TMEM135: variants seen among roughly 807,000 people sequenced by gnomAD.
TMEM135 encodes the protein peroxisomal membrane protein 52.
In TMEM135, 30 loss-of-function variants were observed where a neutral mutation model predicts 60.3. That is an observed-to-expected ratio of 0.50 (90% CI 0.37 to 0.68). The LOEUF (loss-of-function observed/expected upper bound fraction) is 0.68, where lower values mean the gene tolerates loss of function less well. TMEM135 is among the 30% of genes least tolerant of loss of function. TMEM135 has a pLI of 0.00. For missense variants in TMEM135, 468 were observed against 548.8 expected, an observed-to-expected ratio of 0.85 and a Z score of 1.47; for synonymous variants, 190 against 186.7, an observed-to-expected ratio of 1.02 and a Z score of -0.14.
At chr11:87,043,168 T>C (rs2513218) in intron 1 of TMEM135, among the ~76,000 whole-genome samples, 48,503 of 151,146 alleles carry the variant, frequency 0.32, 9,504 homozygotes, top group East Asian at 0.59. Flanking sequence ...TTGGTCAGGT[T>C]GGTTTGGAAC....
chr11:87,047,467 C>A (rs1230120153), intron 1 of TMEM135, among the ~76,000 whole-genome samples: 1 of 151,076 alleles, frequency 6.6e-6, no homozygotes, highest in African/African-American at 2.4e-5. Flanking sequence ...GCGCACCGTG[C>A]GCGAGCCGAA....
chr11:87,156,964 G>T (rs1591062788), intron 4 of TMEM135, among the ~76,000 whole-genome samples: 1 of 152,196 alleles, frequency 6.6e-6, no homozygotes, highest in East Asian at 1.9e-4. Flanking sequence ...GCTCTTAAAA[G>T]ATTGTGATTA....
intron 4 of TMEM135, among the ~76,000 whole-genome samples, chr11:87,141,787 T>A (rs1938269334): frequency 6.6e-6 from 1 of 152,112 alleles, no homozygotes; most frequent in Admixed American, 6.5e-5. Flanking sequence ...ATAGGAAAAA[T>A]TTTAAAAATT....
intron 4 of TMEM135, among the ~76,000 whole-genome samples, chr11:87,119,575 C>T (rs549494286): frequency 1.3e-5 from 2 of 152,314 alleles, no homozygotes; most frequent in African/African-American, 4.8e-5. Context: ...TGGTGATGCA[C>T]GCCTGTAATC....
intron 5 of TMEM135, among the ~76,000 whole-genome samples, chr11:87,224,718 GCAC>G (rs527452419): frequency 6.7e-5 from 10 of 149,194 alleles, no homozygotes; most frequent in Admixed American, 6.0e-4. Flanking sequence ...AGTTCATATA[GCAC>G]CTTTCTTCTC....
At chr11:87,097,416 A>G (rs569160609) in intron 4 of TMEM135, among the ~76,000 whole-genome samples, 5 of 152,316 alleles carry the variant, frequency 3.3e-5, no homozygotes, top group Admixed American at 2.6e-4. Flanking sequence ...ACTCAACTCT[A>G]CTAGCAAGCT....
chr11:87,323,032 T>G lies in TMEM135; in HGVS notation c.*1699T>G, dbSNP rs528031849. 1 of 454,402 alleles carries G rather than the reference T, an allele frequency of 2.2e-6. No homozygotes were observed. Among genetic ancestry groups the G allele is most frequent in the South Asian group, 1.6e-5 (1 of 64,428 alleles). The allele number at this position is 454,402 out of a possible 1,614,324, so 28.1% of individuals were successfully genotyped here. On this transcript the variant is annotated 3_prime_UTR_variant, in exon 15 of 15. Transcript: ENST00000305494. Reference sequence around the variant, plus strand: ...GTACTAAAGCCCTGAGAACTGCACCTCATTTTCTTTATCCAGAAATTGTGC... The same window carrying G: ...GTACTAAAGCCCTGAGAACTGCACCGCATTTTCTTTATCCAGAAATTGTGC...
intron 6 of TMEM135, among the ~76,000 whole-genome samples, chr11:87,252,713 G>A (rs1941441732): frequency 6.6e-6 from 1 of 151,154 alleles, no homozygotes; most frequent in South Asian, 2.1e-4. Context: ...GGAGGCTGTG[G>A]TGAGCCAAGA....
chr11:87,268,832 T>C (rs11235060), intron 6 of TMEM135, among the ~76,000 whole-genome samples: 53,733 of 151,984 alleles, frequency 0.35, 10,057 homozygotes, highest in Non-Finnish European at 0.42. Flanking sequence ...AAGCTGGATT[T>C]CAGCTGTTTG....
At chr11:87,073,762 G>T (rs1856818471) in intron 3 of TMEM135, among the ~76,000 whole-genome samples, 1 of 151,896 alleles carries the variant, frequency 6.6e-6, no homozygotes. Context: ...CTGCCTCCCA[G>T]GTTCAAGCGA....
At chr11:87,272,257 G>A (rs564421186) in intron 6 of TMEM135, among the ~76,000 whole-genome samples, 2 of 151,362 alleles carry the variant, frequency 1.3e-5, no homozygotes, top group East Asian at 3.9e-4. Context: ...GGTTTCACCA[G>A]GTTGGTCAGA....
intron 7 of TMEM135, 96 bp from the exon 8 acceptor site, chr11:87,302,200 T>C (rs1942459489): frequency 7.9e-7 from 1 of 1,262,854 alleles, no homozygotes; most frequent in Admixed American, 2.3e-5. Context: ...GATAAAATAC[T>C]TGCCAAAGCG....
rs545954144 is a variant in TMEM135 at position 87,322,526 on chromosome 11, T to G, written c.*1193T>G. On this transcript the variant is annotated 3_prime_UTR_variant, in exon 15 of 15. Transcript: ENST00000305494. ...TATTTACAGTTTTTCAGGGAAAAGTTATACTTTTCTATGTTAATAAAGAGC... is the reference window on the plus strand; with the variant it reads ...TATTTACAGTTTTTCAGGGAAAAGTGATACTTTTCTATGTTAATAAAGAGC... The G allele has an allele frequency of 4.0e-5, 18 of 454,008 alleles. No individual in the cohort carries two copies. The East Asian group carries it at 1.2e-3, about 30-fold the overall frequency. The allele number at this position is 454,008 out of a possible 1,614,324, so 28.1% of individuals were successfully genotyped here. A position where few individuals can be genotyped will look rare whatever the true frequency, so the allele number is the denominator to read the frequency against.
At chr11:87,119,259 C>T (rs1399745411) in intron 4 of TMEM135, among the ~76,000 whole-genome samples, 1 of 152,168 alleles carries the variant, frequency 6.6e-6, no homozygotes, top group Non-Finnish European at 1.5e-5. Context: ...TGTTGTGTCT[C>T]AGGGAATAGG....
At chr11:87,150,819 C>T (rs1218504920) in intron 4 of TMEM135, among the ~76,000 whole-genome samples, 9 of 152,144 alleles carry the variant, frequency 5.9e-5, no homozygotes, top group Admixed American at 2.6e-4. Context: ...TTGAGACTTC[C>T]GTTTACCTCT....
At chr11:87,169,670 G>A (rs1176794166) in intron 5 of TMEM135, among the ~76,000 whole-genome samples, 8 of 152,140 alleles carry the variant, frequency 5.3e-5, no homozygotes, top group African/African-American at 7.2e-5. Flanking sequence ...AGAGATACCT[G>A]CTGTTAGTCT....
chr11:87,062,605 C>T (rs535936642), intron 1 of TMEM135, among the ~76,000 whole-genome samples: 1 of 151,790 alleles, frequency 6.6e-6, no homozygotes, highest in Admixed American at 6.6e-5. Context: ...GCTGGGATTA[C>T]AGGCGCCTGC....
At chr11:87,288,504 A>T (rs1270672379) in intron 6 of TMEM135, among the ~76,000 whole-genome samples, 1 of 152,212 alleles carries the variant, frequency 6.6e-6, no homozygotes, top group Non-Finnish European at 1.5e-5. Context: ...TCTTGGGGCT[A>T]GTGAGATCAT....
rs1949728771 is a variant in TMEM135, at chr11:87,039,008, T to C, written c.141+822T>C. On this transcript the variant is annotated intron_variant, in intron 1 of 14. Coordinates refer to ENST00000305494, the MANE Select transcript of TMEM135 (RefSeq NM_022918.4). The stretch of plus-strand genomic sequence containing the variant: ...TAAAGATTTATTATTACTTTGGCCA[T>C]TGAAGTGCATTGTCTCATTTTCTTG... Among the ~76,000 whole-genome samples the C allele has an allele frequency of 2.0e-5, 3 of 152,240 alleles. No homozygotes were observed. In the South Asian group the frequency reaches 6.2e-4, roughly 31 times the overall value.
Sources: allele counts gnomAD v4.1 joint callset (sites outside exome capture counted in the v4.1 genomes callset), GRCh38; gene constraint gnomAD v4.1.1; transcripts MANE v1.5; gene names NCBI Gene and HGNC (gene_info 2026-07-23, HGNC 2026-07-21).